Variants in ANK2 observed in about 807,000 individuals in gnomAD.
The protein encoded by ANK2 is ankyrin 2, also known as ankyrin-2.
Under a neutral mutation model 360.5 loss-of-function variants are expected in ANK2, and 83 were observed. That is an observed-to-expected ratio of 0.23 (90% CI 0.19 to 0.28). The LOEUF is 0.28. Ranked by LOEUF, ANK2 falls within the 10% of genes least tolerant of loss-of-function variation. The pLI is 1.00. For synonymous variants in ANK2, 1,740 were observed against 1,759.5 expected (o/e 0.99, Z 0.28); for missense variants, 4,201 against 4,795.7 (o/e 0.88, Z 3.66).
chr4:112,884,826 G>T (rs2077792575), intron 1 of ANK2, among the ~76,000 whole-genome samples: 1 of 152,004 alleles, frequency 6.6e-6, no homozygotes, highest in South Asian at 2.1e-4. Context: ...AGCTTCACTA[G>T]CCCTCAGGTG....
Position 113,355,753 on chromosome 4 carries a change from A to G in ANK2, c.7135A>G (p.Thr2379Ala), listed in dbSNP as rs1254422296. 6 of 1,614,134 alleles carry G rather than the reference A, an allele frequency of 3.7e-6. No individual in the cohort carries two copies. The South Asian group carries it at 5.5e-5, about 15-fold the overall frequency. Residue 2379 changes from threonine (T) to alanine (A), a missense_variant, in exon 38 of 46, where the codon ACA becomes GCA. Thr to Ala is a moderately conservative substitution (Grantham distance 58). This residue lies in a region of ANK2 where 2,642 missense variants were observed against 2,714.5 expected (regional missense o/e 0.97). Coordinates refer to ENST00000357077, the MANE Select transcript of ANK2 (RefSeq NM_001148.6). ...VQESTATSDE[T>A]KALPLPEASV... ...AGAATCCACAGCCACCTCAGACGAG[A>G]CAAAGGCCTTGCCGCTGCCTGAGGC... is the stretch of plus-strand genomic sequence containing the variant.
At chr4:112,822,429 A>G (rs2057376163) in intron 1 of ANK2, among the ~76,000 whole-genome samples, 1 of 150,108 alleles carries the variant, frequency 6.7e-6, no homozygotes, top group Admixed American at 6.6e-5. Flanking sequence ...AAAAAAAAAA[A>G]AAAGAAAAAC....
chr4:112,931,604 T>C (rs2093251301), intron 2 of ANK2, among the ~76,000 whole-genome samples: 1 of 151,820 alleles, frequency 6.6e-6, no homozygotes, highest in Non-Finnish European at 1.5e-5. Context: ...GCCTGGCTAA[T>C]GTTTTTGTAT....
chr4:113,001,969 A>G (rs939594590), intron 2 of ANK2, among the ~76,000 whole-genome samples: 1 of 152,024 alleles, frequency 6.6e-6, no homozygotes, highest in Non-Finnish European at 1.5e-5. Flanking sequence ...ATGTCTTAAA[A>G]ATTCCACCTC....
At chr4:112,891,372 AT>A (rs1025461872) in intron 1 of ANK2, among the ~76,000 whole-genome samples, 2 of 151,944 alleles carry the variant, frequency 1.3e-5, no homozygotes, top group African/African-American at 4.8e-5. Context: ...GTTATCAATT[AT>A]TTTTTTTATT....
intron 14 of ANK2, among the ~76,000 whole-genome samples, chr4:113,273,349 A>G (rs1041563961): frequency 2.0e-5 from 3 of 152,256 alleles, no homozygotes; most frequent in Non-Finnish European, 4.4e-5. Context: ...AAGGTTTTCA[A>G]TTGCAAATGT....
intron 45 of ANK2, among the ~76,000 whole-genome samples, chr4:113,374,595 A>G (rs2154077341): frequency 6.6e-6 from 1 of 152,348 alleles, no homozygotes; most frequent in Non-Finnish European, 1.5e-5. Flanking sequence ...TGTAGATATT[A>G]CCAATAGGTT....
intron 14 of ANK2, among the ~76,000 whole-genome samples, chr4:113,271,603 C>A (rs1586753559): frequency 6.6e-6 from 1 of 152,162 alleles, no homozygotes; most frequent in Non-Finnish European, 1.5e-5. Flanking sequence ...CTACATTGAG[C>A]TCCAAGGTTG....
chr4:113,009,295 C>G (rs1249162650), intron 2 of ANK2, among the ~76,000 whole-genome samples: 1 of 152,026 alleles, frequency 6.6e-6, no homozygotes. Context: ...CTACAGAGTG[C>G]CTTAAAGTTT....
intron 14 of ANK2, among the ~76,000 whole-genome samples, chr4:113,272,374 C>T (rs1020168431): frequency 2.0e-5 from 3 of 152,184 alleles, no homozygotes; most frequent in Non-Finnish European, 4.4e-5. Context: ...TTTACCTTTT[C>T]CCATGAATCT....
intron 9 of ANK2, among the ~76,000 whole-genome samples, chr4:113,246,373 T>G (rs1406120863): frequency 6.6e-6 from 1 of 152,206 alleles, no homozygotes; most frequent in Non-Finnish European, 1.5e-5. Flanking sequence ...TGAGGCATTT[T>G]CCATCTTGTT....
intron 28 of ANK2, 181 bp from the exon 29 acceptor site, chr4:113,332,873 C>A (rs2092787844): frequency 4.1e-6 from 3 of 736,006 alleles, no homozygotes; most frequent in Admixed American, 2.3e-5. Context: ...AGGATTGGTG[C>A]CCCTGAGGTG....
chr4:113,284,266 T>A, intron 18 of ANK2, among the ~76,000 whole-genome samples: 1 of 152,202 alleles, frequency 6.6e-6, no homozygotes, highest in East Asian at 1.9e-4. Context: ...ATTTACCCTG[T>A]TGGAGAAAAT....
chr4:113,068,696 A>C (rs1295127530), intron 1 of ANK2, among the ~76,000 whole-genome samples: 1 of 152,218 alleles, frequency 6.6e-6, no homozygotes, highest in Non-Finnish European at 1.5e-5. Flanking sequence ...TAAAGATAAT[A>C]AACTGCCACT....
intron 5 of ANK2, among the ~76,000 whole-genome samples, chr4:113,233,160 A>G: frequency 1.2e-5 from 1 of 86,778 alleles, no homozygotes; most frequent in Non-Finnish European, 2.1e-5. Flanking sequence ...TTTGAGACGG[A>G]GTCTCGCTCT....
intron 1 of ANK2, among the ~76,000 whole-genome samples, chr4:112,837,731 C>G (rs958023886): frequency 9.8e-5 from 15 of 152,340 alleles, no homozygotes; most frequent in Admixed American, 5.9e-4. Flanking sequence ...TAATGACCAC[C>G]TGGCTGGGTT....
At chr4:113,323,528 C>T (rs1336910864) in intron 26 of ANK2, among the ~76,000 whole-genome samples, 1 of 152,062 alleles carries the variant, frequency 6.6e-6, no homozygotes, top group Non-Finnish European at 1.5e-5. Context: ...CAATGTTGAC[C>T]AAGGTTAAAA....
chr4:113,234,076 C>T (rs554429502), intron 5 of ANK2, among the ~76,000 whole-genome samples: 51 of 152,224 alleles, frequency 3.4e-4, no homozygotes, highest in Admixed American at 1.1e-3. Flanking sequence ...CCAGATGAAA[C>T]CTTTATGCTA....
At chr4:112,734,799 G>GGAGACATTTGTTTCCATTTTTAC in the ANK2 span, among the ~76,000 whole-genome samples, 3 of 152,238 alleles carry the variant, frequency 2.0e-5, no homozygotes, top group South Asian at 6.2e-4. Context: ...ACCATTTTTG[G>GGAGACATTTGTTTCCATTTTTAC]GAGACATTTG....
Sources: allele counts gnomAD v4.1 joint callset (sites outside exome capture counted in the v4.1 genomes callset), GRCh38; gene constraint gnomAD v4.1.1; regional missense constraint gnomAD v4.1.1; transcripts MANE v1.5; gene names NCBI Gene and HGNC (gene_info 2026-07-23, HGNC 2026-07-21).